Variants in TIMP2 observed in about 807,000 individuals in gnomAD.
TIMP2 encodes metalloproteinase inhibitor 2.
A neutral mutation model predicts 24.3 loss-of-function variants in TIMP2; 5 were observed. The ratio of observed to expected loss-of-function variants is 0.21; its 90% confidence interval spans 0.11 to 0.43. The LOEUF is 0.43. Among genes scored for constraint, TIMP2 ranks in the 20% least tolerant of loss-of-function variants. The pLI is 1.00. For synonymous variants in TIMP2, 130 were observed against 123.2 expected, an observed-to-expected ratio of 1.06 and a Z score of -0.37; for missense variants, 221 against 297.5, an observed-to-expected ratio of 0.74 and a Z score of 1.89.
intron 1 of TIMP2, among the ~76,000 whole-genome samples, chr17:78,901,532 A>C (rs1316260495): frequency 6.6e-6 from 1 of 152,134 alleles, no homozygotes; most frequent in African/African-American, 2.4e-5. Context: ...CCCACTGACC[A>C]AAGGTCCTAG....
At chr17:78,913,436 T>C (rs1451082857) in intron 1 of TIMP2, among the ~76,000 whole-genome samples, 2 of 151,834 alleles carry the variant, frequency 1.3e-5, no homozygotes, top group African/African-American at 2.4e-5. Context: ...GCAGGCTGGG[T>C]GCAGTGGTTC....
At chr17:78,902,434 T>C (rs1037602990) in intron 1 of TIMP2, among the ~76,000 whole-genome samples, 10 of 152,194 alleles carry the variant, frequency 6.6e-5, no homozygotes, top group Admixed American at 4.6e-4. Context: ...CTGGCTGTGT[T>C]AGCATCACCT....
chr17:78,869,776 T>C (rs147939292), intron 3 of TIMP2, among the ~76,000 whole-genome samples: 3,548 of 152,072 alleles, frequency 0.023, 143 homozygotes, highest in African/African-American at 0.082. Flanking sequence ...GATAGTGCCA[T>C]TGCACCCCAG....
At position 78,901,819 on chromosome 17, in the gene TIMP2, C is replaced by A. The variant is rs146510224; in HGVS notation, c.130+23140G>T. On this transcript the variant is annotated intron_variant, in intron 1 of 4. Transcript: ENST00000262768. ...CTCCAGATGACTGAGCTAGACCACC[C>A]AGAACACATTACAGGGAGGCAGAAG... 86 of 715,732 alleles carry A rather than the reference C, an allele frequency of 1.2e-4. No homozygotes were observed. The African/African-American group carries it at 1.4e-3, about 12-fold the overall frequency. The allele number at this position is 715,732 out of a possible 1,614,324, so 44.3% of individuals were successfully genotyped here. A position where few individuals can be genotyped will look rare whatever the true frequency, so the allele number is the denominator to read the frequency against.
intron 3 of TIMP2, among the ~76,000 whole-genome samples, chr17:78,861,821 T>TTGAACTCC (rs2069569341): frequency 6.6e-6 from 1 of 152,154 alleles, no homozygotes; most frequent in African/African-American, 2.4e-5. Flanking sequence ...TGGGCTGGTC[T>TTGAACTCC]TGAACTCCTG....
chr17:78,865,454 G>A (rs963288251), intron 3 of TIMP2, among the ~76,000 whole-genome samples: 3 of 151,822 alleles, frequency 2.0e-5, no homozygotes, highest in South Asian at 2.1e-4. Flanking sequence ...GAGAAATCCC[G>A]TCTCTACTAA....
chr17:78,902,021 G>A (rs745369589), intron 1 of TIMP2: 2 of 559,278 alleles, frequency 3.6e-6, no homozygotes, highest in Non-Finnish European at 6.4e-6. Context: ...TACCCTCCAT[G>A]ACACGCTGTG....
At chr17:78,912,158 G>A (rs141925287) in intron 1 of TIMP2, among the ~76,000 whole-genome samples, 2 of 152,258 alleles carry the variant, frequency 1.3e-5, no homozygotes, top group African/African-American at 2.4e-5. Context: ...GCACACAGTC[G>A]GGATTCAGAA....
At chr17:78,858,265 AC>A (rs1396948405) in intron 3 of TIMP2, among the ~76,000 whole-genome samples, 1 of 151,522 alleles carries the variant, frequency 6.6e-6, no homozygotes, top group African/African-American at 2.4e-5. Context: ...ACACGGTGAA[AC>A]CCCCGTCTCT....
chr17:78,915,786 C>G (rs2070252460), intron 1 of TIMP2, among the ~76,000 whole-genome samples: 1 of 152,242 alleles, frequency 6.6e-6, no homozygotes, highest in South Asian at 2.1e-4. Flanking sequence ...TCCCCAAGTG[C>G]TGGGATTCCA....
intron 1 of TIMP2, among the ~76,000 whole-genome samples, chr17:78,895,216 G>A (rs1190311311): frequency 6.6e-6 from 1 of 152,160 alleles, no homozygotes; most frequent in Non-Finnish European, 1.5e-5. Context: ...GGGAGGCAGA[G>A]GTTGCAATGA....
At chr17:78,882,268 G>A (rs1346243012) in intron 1 of TIMP2, among the ~76,000 whole-genome samples, 2 of 152,178 alleles carry the variant, frequency 1.3e-5, no homozygotes, top group East Asian at 1.9e-4. Flanking sequence ...CACCTGGCCC[G>A]GCCTGACCAT....
Position 78,891,774 on chromosome 17 carries a change from T to C in TIMP2, c.131-17855A>G, listed in dbSNP as rs1169324675. 1 of 1,551,068 alleles carries C rather than the reference T, an allele frequency of 6.4e-7. No individual in the cohort carries two copies. The highest frequency in any genetic ancestry group is 8.7e-7 in the Non-Finnish European group (1 of 1,147,118). The stretch of plus-strand genomic sequence containing the variant: ...CTTTCTAGGTCCGCCCCTTTGCTCC[T>C]CCGAGGATGGATGGCACAGCGGCCA... On this transcript the variant is annotated intron_variant, in intron 1 of 4. Transcript: ENST00000262768. This position sits in a 1 kb window ranked among gnomAD's most constrained non-coding sequence, Gnocchi z 4.5.
chr17:78,883,959 T>G (rs913746437), intron 1 of TIMP2, among the ~76,000 whole-genome samples: 4 of 152,208 alleles, frequency 2.6e-5, no homozygotes, highest in African/African-American at 9.6e-5. Flanking sequence ...CACGTGCTGC[T>G]GAATCACTTG....
chr17:78,921,860 C>T (rs1045073469), intron 1 of TIMP2, among the ~76,000 whole-genome samples: 1 of 152,162 alleles, frequency 6.6e-6, no homozygotes, highest in Non-Finnish European at 1.5e-5. Flanking sequence ...AGGGAGATAC[C>T]TCCCAGAAAT....
chr17:78,912,063 CA>C (rs112105536), intron 1 of TIMP2, among the ~76,000 whole-genome samples: 7 of 148,286 alleles, frequency 4.7e-5, no homozygotes, highest in Non-Finnish European at 6.0e-5. Context: ...GACTCTGTCT[CA>C]AAAAAAAAAT....
In TIMP2 at chr17:78,855,534, G is replaced by C; in HGVS notation, c.*133C>G. 1 of 1,072,604 alleles carries C rather than the reference G, an allele frequency of 9.3e-7. No homozygotes were observed. The highest frequency in any genetic ancestry group is 1.6e-5 in the South Asian group (1 of 63,742). 66.4% of individuals were successfully genotyped at this position (1,072,604 alleles called of 1,614,324 possible). Reference sequence around the variant, plus strand: ...TGTCTAAAAGGAGAAGGGGGGAGCAGAATCATATTAATTTGGACCCATGGG... The same window carrying C: ...TGTCTAAAAGGAGAAGGGGGGAGCACAATCATATTAATTTGGACCCATGGG... On this transcript the variant is annotated 3_prime_UTR_variant, in exon 5 of 5. Coordinates refer to ENST00000262768, the MANE Select transcript of TIMP2 (RefSeq NM_003255.5). The surrounding 1 kb of genome is among the most constrained non-coding windows in gnomAD (Gnocchi z 6.0).
intron 1 of TIMP2, among the ~76,000 whole-genome samples, chr17:78,900,702 A>C (rs2070077613): frequency 6.6e-6 from 1 of 152,172 alleles, no homozygotes; most frequent in Non-Finnish European, 1.5e-5. Context: ...GAGGTGGAAA[A>C]TTGTTGCTAG....
chr17:78,924,366 G>A lies in TIMP2; in HGVS notation c.130+593C>T, dbSNP rs546501113. Among the ~76,000 whole-genome samples the A allele has an allele frequency of 1.0e-3, 159 of 152,330 alleles. No homozygotes were observed. The highest frequency in any genetic ancestry group is 3.6e-3 in the African/African-American group (150 of 41,576). On this transcript the variant is annotated intron_variant, in intron 1 of 4. Coordinates refer to ENST00000262768, the MANE Select transcript of TIMP2 (RefSeq NM_003255.5). The surrounding 1 kb of genome is among the most constrained non-coding windows in gnomAD (Gnocchi z 5.3). ...GCCTCCTGGGCAGGGCGCAAGCAAG[G>A]AGCCACGCCAGGAGACGCCACCGGC... is the stretch of plus-strand genomic sequence containing the variant.
Sources: gnomAD v4.1 joint callset for allele counts (sites outside exome capture counted in the v4.1 genomes callset) on GRCh38, gnomAD v4.1.1 for gene constraint, Gnocchi (gnomAD v3.1) non-coding constraint, MANE v1.5 for transcripts, NCBI Gene and HGNC (gene_info 2026-07-23, HGNC 2026-07-21) for gene names.